The following SBNO2 variants were observed in gnomAD, a reference collection of about 807,000 sequenced individuals.
The protein encoded by SBNO2 is protein strawberry notch homolog 2.
Under a neutral mutation model 146.3 loss-of-function variants are expected in SBNO2, and 89 were observed. The ratio of observed to expected loss-of-function variants is 0.61; its 90% CI spans 0.51 to 0.73. The LOEUF (loss-of-function observed/expected upper bound fraction) is 0.73. SBNO2 is among the 30% of genes least tolerant of loss of function. The pLI is 0.00. For synonymous variants in SBNO2, 1,147 were observed against 892.6 expected, an observed-to-expected ratio of 1.29 and a Z score of -5.08; for missense variants, 2,092 against 2,003.7, an observed-to-expected ratio of 1.04 and a Z score of -0.84.
At chr19:1,167,034 G>A (rs1481058430) in intron 1 of SBNO2, among the ~76,000 whole-genome samples, 3 of 152,244 alleles carry the variant, frequency 2.0e-5, no homozygotes, top group Admixed American at 6.5e-5. Context: ...ACCTGCATCC[G>A]AGCCCTGAGG....
rs1440054881 is a variant in SBNO2, at chr19:1,107,696, G to C, written c.*524C>G. On this transcript the variant is annotated 3_prime_UTR_variant, in exon 32 of 32. Coordinates refer to ENST00000361757, the MANE Select transcript of SBNO2 (RefSeq NM_014963.3). ...CCTTTACATATGTACATCAGAACTT[G>C]CTATAAATACATAGAAACCGCAGGC... 6.5e-6 allele frequency: 1 copy of C among 152,826 alleles called. No homozygotes were observed. Among genetic ancestry groups the C allele is most frequent in the Non-Finnish European group, 1.5e-5 (1 of 68,240 alleles). 9.5% of individuals were successfully genotyped at this position (152,826 alleles called of 1,614,324 possible).
At position 1,161,247 on chromosome 19, in the gene SBNO2, T is replaced by C. The variant is rs1452851986; in HGVS notation, c.-126-6845A>G. 2.1e-3 allele frequency among the ~76,000 whole-genome samples: 2 copies of C among 958 alleles called. 1 individual carries two copies. The highest frequency in any genetic ancestry group is 0.029 in the Admixed American group (2 of 68). 0.6% of individuals were successfully genotyped at this position (958 alleles called of 152,430 possible). ...GTGGGGGTGCCTGAGTACTGGGTAC[T>C]GGGGGTAGGGGTGCCTGAGCACTGG... On this transcript the variant is annotated intron_variant, in intron 1 of 31. Coordinates refer to ENST00000361757, the MANE Select transcript of SBNO2 (RefSeq NM_014963.3).
At chr19:1,142,541 G>T (rs552896598) in intron 4 of SBNO2, among the ~76,000 whole-genome samples, 3 of 152,102 alleles carry the variant, frequency 2.0e-5, no homozygotes, top group Non-Finnish European at 4.4e-5. Flanking sequence ...TTAGCCAGGC[G>T]TGGTGGCGCA....
intron 7 of SBNO2, 101 bp downstream of exon 7, chr19:1,123,433 A>G: frequency 1.0e-6 from 1 of 989,964 alleles, no homozygotes; most frequent in South Asian, 1.4e-5. Context: ...GAAGCTTCAC[A>G]TTCCCTCTGT....
At position 1,150,948 on chromosome 19, in the gene SBNO2, G is replaced by C. The variant is rs1396853078; in HGVS notation, c.94-1506C>G. On this transcript the variant is annotated intron_variant, in intron 2 of 31. Coordinates refer to ENST00000361757, the MANE Select transcript of SBNO2 (RefSeq NM_014963.3). This position sits in a 1 kb window ranked among gnomAD's most constrained non-coding sequence, Gnocchi z 6.2. ...ATAAGTTTATCAGCAAAAGCCCACA[G>C]CTCCTCCCCTGCACAGAGGCCGGCA... Among the ~76,000 whole-genome samples the C allele has an allele frequency of 6.6e-6, 1 of 152,204 alleles. No homozygotes were observed. The highest frequency in any genetic ancestry group is 6.5e-5 in the Admixed American group (1 of 15,286).
In SBNO2 at chr19:1,108,253, G is replaced by A; in HGVS notation, c.4068C>T (p.Ser1356=). 1.3e-6 allele frequency: 2 copies of A among 1,525,892 alleles called. No homozygotes were observed. Among genetic ancestry groups the A allele is most frequent in the South Asian group, 2.4e-5 (2 of 83,246 alleles). The allele number at this position is 1,525,892 out of a possible 1,614,324, so 94.5% of individuals were successfully genotyped here. Reference sequence around the variant, plus strand: ...GAGCCTGGGCGCCGGGGAAGGGTGGGCTGAACTGGATCACGCTCTGCCGCT... The same window carrying A: ...GAGCCTGGGCGCCGGGGAAGGGTGGACTGAACTGGATCACGCTCTGCCGCT... The part of the protein sequence containing the change: ...GPERQSVIQF[S]PPFPGAQAPL The change falls in exon 32 of 32, where the codon AGC becomes AGT. Residue 1356 remains serine (S), a synonymous_variant. Coordinates refer to ENST00000361757, the MANE Select transcript of SBNO2 (RefSeq NM_014963.3).
intron 9 of SBNO2, 42 bp from the exon 10 acceptor site, chr19:1,122,600 G>GC (rs1226261177): frequency 2.6e-4 from 127 of 484,852 alleles, no homozygotes; most frequent in East Asian, 2.3e-3. Flanking sequence ...CTTCCCCCTC[G>GC]CCCCCCGCTT....
intron 19 of SBNO2, among the ~76,000 whole-genome samples, chr19:1,113,192 G>A (rs1342015989): frequency 6.6e-6 from 1 of 152,216 alleles, no homozygotes; most frequent in Non-Finnish European, 1.5e-5. Context: ...GGCGGGGGCA[G>A]GGAGTAGGAG....
In SBNO2 at chr19:1,109,334, G is replaced by A; in HGVS notation, c.3306C>T (p.Ser1102=). ...GGAGGCTGTCCAGGGCCTCCAGCTGGCTCTGCCGGCCGATGTTGGGCTTGT... is the reference window on the plus strand; with the variant it reads ...GGAGGCTGTCCAGGGCCTCCAGCTGACTCTGCCGGCCGATGTTGGGCTTGT... ...TVYKPNIGRQ[S]QLEALDSLRR... Residue 1102 remains serine, a synonymous_variant, in exon 29 of 32, where the codon AGC becomes AGT. Coordinates refer to ENST00000361757, the MANE Select transcript of SBNO2 (RefSeq NM_014963.3). This position sits in a 1 kb window ranked among gnomAD's most constrained non-coding sequence, Gnocchi z 4.2. The A allele has an allele frequency of 6.3e-7, 1 of 1,594,854 alleles. No homozygotes were observed. The highest frequency in any genetic ancestry group is 8.5e-7 in the Non-Finnish European group (1 of 1,171,978).
intron 5 of SBNO2, among the ~76,000 whole-genome samples, chr19:1,125,641 C>T (rs989657078): frequency 2.0e-5 from 3 of 151,730 alleles, no homozygotes; most frequent in African/African-American, 7.3e-5. Flanking sequence ...CCACTGCACT[C>T]CAGCCTGGGC....
At chr19:1,151,589 G>C (rs567672810) in intron 2 of SBNO2, among the ~76,000 whole-genome samples, 2 of 152,356 alleles carry the variant, frequency 1.3e-5, no homozygotes, top group African/African-American at 4.8e-5. Flanking sequence ...TTAGATGGCA[G>C]GTCCTAGCAC....
At chr19:1,121,039 G>T (rs763920067) in intron 11 of SBNO2, among the ~76,000 whole-genome samples, 6 of 152,098 alleles carry the variant, frequency 3.9e-5, no homozygotes, top group Admixed American at 1.3e-4. Context: ...TTACAGGTGC[G>T]CACCACCACG....
Position 1,171,319 on chromosome 19 carries a change from GCACA to G in SBNO2, c.-127+2849_-127+2852del, listed in dbSNP as rs781152139. ...CAGAATGCACGTGCGTACGTACAAT[GCACA>G]CAAAGAATACACACATCCATACAAC... On this transcript the variant is annotated intron_variant, in intron 1 of 31. Transcript: ENST00000361757. Among the ~76,000 whole-genome samples, 46 of 151,802 alleles carry G rather than the reference GCACA, an allele frequency of 3.0e-4. No homozygotes were observed. In the East Asian group the frequency reaches 3.5e-3, roughly 12 times the overall value.
At chr19:1,146,110 T>C (rs1453420304) in intron 4 of SBNO2, among the ~76,000 whole-genome samples, 1 of 152,192 alleles carries the variant, frequency 6.6e-6, no homozygotes, top group African/African-American at 2.4e-5. Context: ...CAATCTCTCC[T>C]GTCTCTTCTG....
intron 1 of SBNO2, among the ~76,000 whole-genome samples, chr19:1,171,086 G>T (rs915531876): frequency 1.3e-5 from 2 of 150,722 alleles, no homozygotes; most frequent in African/African-American, 4.9e-5. Context: ...ACACAAACAC[G>T]GGTGCACAGG....
chr19:1,135,260 G>A (rs1017608424), intron 4 of SBNO2, among the ~76,000 whole-genome samples: 1 of 151,846 alleles, frequency 6.6e-6, no homozygotes, highest in East Asian at 1.9e-4. Flanking sequence ...TGCTCAGGAG[G>A]CCATGGCAGG....
At chr19:1,122,858 G>C in intron 8 of SBNO2, 36 bp downstream of exon 8, 1 of 1,539,006 alleles carries the variant, frequency 6.5e-7, no homozygotes, top group East Asian at 2.4e-5. Context: ...GGGCCTCGCG[G>C]ACACAGGCTG....
chr19:1,119,389 C>A (rs773416780), intron 13 of SBNO2, 127 bp downstream of exon 13: 7 of 891,740 alleles, frequency 7.8e-6, no homozygotes, highest in Non-Finnish European at 1.0e-5. Flanking sequence ...GTGAAACGAG[C>A]GACCCACATT....
chr19:1,153,872 C>T (rs540136848), intron 2 of SBNO2, among the ~76,000 whole-genome samples: 49 of 152,226 alleles, frequency 3.2e-4, no homozygotes, highest in Non-Finnish European at 6.6e-4. Context: ...CTGACAGGTT[C>T]CTACAAGTAA....
Sources: allele counts gnomAD v4.1 joint callset (sites outside exome capture counted in the v4.1 genomes callset), GRCh38; gene constraint gnomAD v4.1.1; non-coding constraint Gnocchi (gnomAD v3.1); transcripts MANE v1.5; gene names NCBI Gene and HGNC (gene_info 2026-07-23, HGNC 2026-07-21).